TRIM14: variants seen among roughly 807,000 people sequenced by gnomAD.
TRIM14 encodes the protein tripartite motif containing 14.
A neutral mutation model predicts 44.5 loss-of-function variants in TRIM14; 28 were observed. The ratio of observed to expected loss-of-function variants is 0.63; its 90% CI spans 0.47 to 0.86. The LOEUF is 0.86. Among genes scored for constraint, TRIM14 ranks in the 40% least tolerant of loss-of-function variants. The pLI, the probability that TRIM14 is intolerant of heterozygous loss-of-function variation, is 0.00. For synonymous variants in TRIM14, 299 were observed against 269.2 expected (o/e 1.11, Z -1.08); for missense variants, 607 against 611.1 (o/e 0.99, Z 0.07).
the TRIM14 span, among the ~76,000 whole-genome samples, chr9:98,053,821 A>ATAAATAAATAAATAAG: frequency 2.0e-5 from 3 of 151,876 alleles, no homozygotes; most frequent in African/African-American, 7.3e-5. Flanking sequence ...AAATAAATAA[A>ATAAATAAATAAATAAG]TAAATAAATA....
downstream of TRIM14, among the ~76,000 whole-genome samples, chr9:98,080,171 G>A (rs781581792): frequency 9.2e-5 from 14 of 152,316 alleles, no homozygotes; most frequent in East Asian, 1.7e-3. Context: ...CTGAGATCAC[G>A]CCATTGCACT....
At chr9:98,062,987 A>C in the TRIM14 span, among the ~76,000 whole-genome samples, 1 of 151,840 alleles carries the variant, frequency 6.6e-6, no homozygotes, top group Non-Finnish European at 1.5e-5. Flanking sequence ...CCCAGGCTGG[A>C]GTACAGTGGC....
rs1162458530 is a variant in TRIM14, at chr9:98,091,992, C to A, written c.710G>T (p.Cys237Phe). The change falls in exon 5 of 6, where the codon TGC becomes TTC. Residue 237 changes from cysteine to phenylalanine, a missense_variant. Around this residue, in one of 3 missense-constraint regions of TRIM14, gnomAD observed 356 missense variants for 323.0 expected, o/e 1.10. Coordinates refer to ENST00000341469, the MANE Select transcript of TRIM14 (RefSeq NM_014788.4). ...GGTGCTGGAAGGGTCTGAGAGCTGGCAGTTTATGCCTGTAAGGAATTGTTG... is the reference window on the plus strand; with the variant it reads ...GGTGCTGGAAGGGTCTGAGAGCTGGAAGTTTATGCCTGTAAGGAATTGTTG... ...LDIRLKESIN[C>F]QLSDPSSTKP... is the part of the protein sequence containing the mutation. 6.2e-7 allele frequency: 1 copy of A among 1,606,926 alleles called. No individual in the cohort carries two copies.
chr9:98,118,945 A>G (rs1290137830), intron 1 of TRIM14, 37 bp downstream of exon 1: 4 of 1,464,434 alleles, frequency 2.7e-6, no homozygotes, highest in Non-Finnish European at 3.6e-6. Context: ...GGCTCCCCCA[A>G]CTCCCGCGCG....
At chr9:98,060,862 C>T in the TRIM14 span, 2 of 1,614,192 alleles carry the variant, frequency 1.2e-6, no homozygotes, top group Non-Finnish European at 1.7e-6. Context: ...AGAGGCCATA[C>T]ACCTCGAAGC....
chr9:98,113,919 A>G (rs578127903), intron 1 of TRIM14, among the ~76,000 whole-genome samples: 8 of 152,312 alleles, frequency 5.3e-5, no homozygotes, highest in Non-Finnish European at 1.2e-4. Flanking sequence ...TATTTTGATC[A>G]TGTGTTTTAA....
downstream of TRIM14, among the ~76,000 whole-genome samples, chr9:98,068,448 T>C (rs536268329): frequency 3.5e-3 from 528 of 151,128 alleles, 2 homozygotes; most frequent in Non-Finnish European, 5.6e-3. Flanking sequence ...ATTTTTAGCT[T>C]TTTTTTTTCC....
At chr9:98,102,163 TCA>T (rs1826423071) in intron 2 of TRIM14, among the ~76,000 whole-genome samples, 1 of 152,196 alleles carries the variant, frequency 6.6e-6, no homozygotes, top group East Asian at 1.9e-4. Flanking sequence ...AGCACTCAAC[TCA>T]CAGTCCACCT....
chr9:98,065,483 ATTTTTTTTTTT>A (rs397837187), downstream of TRIM14, among the ~76,000 whole-genome samples: 57 of 58,632 alleles, frequency 9.7e-4, 1 homozygote, highest in East Asian at 5.3e-3. Context: ...TGCCCAGCTA[ATTTTTTTTTTT>A]TTTTTTTTTT....
chr9:98,103,919 A>C (rs12552242), intron 2 of TRIM14, among the ~76,000 whole-genome samples: 50,467 of 151,486 alleles, frequency 0.33, 10,060 homozygotes, highest in African/African-American at 0.56. Context: ...AGCAGAATGA[A>C]CCCAGCACCC....
chr9:98,083,002 G>A, downstream of TRIM14: 1 of 1,614,174 alleles, frequency 6.2e-7, no homozygotes, highest in Non-Finnish European at 8.5e-7. Flanking sequence ...TGAAGAGGAT[G>A]ACACCATCAT....
intron 4 of TRIM14, among the ~76,000 whole-genome samples, 194 bp from the exon 5 acceptor site, chr9:98,092,195 G>A (rs1478486799): frequency 3.9e-5 from 6 of 152,184 alleles, no homozygotes; most frequent in Non-Finnish European, 7.3e-5. Flanking sequence ...TCCTAAATAG[G>A]AGGAGGAGCT....
chr9:98,046,974 G>T, the TRIM14 span, among the ~76,000 whole-genome samples: 1 of 152,140 alleles, frequency 6.6e-6, no homozygotes, highest in Non-Finnish European at 1.5e-5. Context: ...GTCCCTTTGT[G>T]ACCAAAAAGT....
the TRIM14 span, among the ~76,000 whole-genome samples, chr9:98,048,233 T>C: frequency 9.9e-3 from 1,503 of 152,286 alleles, 25 homozygotes; most frequent in African/African-American, 0.034. Flanking sequence ...GCATTTCTCC[T>C]TTTGGGATCT....
chr9:98,060,702 C>A, the TRIM14 span: 1 of 1,259,706 alleles, frequency 7.9e-7, no homozygotes, highest in Non-Finnish European at 1.2e-6. Context: ...ATGGTGATGT[C>A]ATAGTGGTTG....
chr9:98,051,874 T>C, the TRIM14 span, among the ~76,000 whole-genome samples: 27 of 143,742 alleles, frequency 1.9e-4, no homozygotes, highest in African/African-American at 6.8e-4. Context: ...CCATCTCTTA[T>C]GGGAATCTCA....
At chr9:98,065,918 A>T (rs1008416853), downstream of TRIM14, among the ~76,000 whole-genome samples, 5 of 152,230 alleles carry the variant, frequency 3.3e-5, no homozygotes, top group Admixed American at 2.6e-4. Context: ...CCCCACCATG[A>T]TTCTGAGACC....
chr9:98,069,685 A>G (rs1334095275), exon 7 of TRIM14: 1 of 152,278 alleles, frequency 6.6e-6, no homozygotes, highest in Non-Finnish European at 1.5e-5. Context: ...CTTCCATGAC[A>G]TTCTGGAAAT....
At chr9:98,044,334 G>A in the TRIM14 span, among the ~76,000 whole-genome samples, 2 of 150,502 alleles carry the variant, frequency 1.3e-5, no homozygotes, top group East Asian at 2.0e-4. Context: ...ACCCAGGGGC[G>A]CCTTTCAGCT....
Sources: allele counts gnomAD v4.1 joint callset (sites outside exome capture counted in the v4.1 genomes callset), GRCh38; gene constraint gnomAD v4.1.1; regional missense constraint gnomAD v4.1.1; transcripts MANE v1.5; gene names NCBI Gene and HGNC (gene_info 2026-07-23, HGNC 2026-07-21).